SLC8A1: variants seen among roughly 807,000 people sequenced by gnomAD.
SLC8A1 encodes the protein solute carrier family 8 member A1.
Under a neutral mutation model 68.3 loss-of-function variants are expected in SLC8A1, and 18 were observed. That is an observed-to-expected ratio of 0.26 (90% CI 0.18 to 0.39). The LOEUF (loss-of-function observed/expected upper bound fraction) is 0.39. Among genes scored for constraint, SLC8A1 ranks in the 10% least tolerant of loss-of-function variants. The probability of loss-of-function intolerance (pLI) is 1.00; values close to 1 mark genes in which losing one functional copy is unlikely to be tolerated. For synonymous variants in SLC8A1, 475 were observed against 415.5 expected (o/e 1.14, Z -1.74); for missense variants, 985 against 1,156.7 (o/e 0.85, Z 2.15).
intron 2 of SLC8A1, among the ~76,000 whole-genome samples, chr2:40,236,316 A>C (rs2060364140): frequency 6.6e-6 from 1 of 151,970 alleles, no homozygotes; most frequent in African/African-American, 2.4e-5. Context: ...TAGGATAGTT[A>C]GCTCTTCTTG....
At chr2:40,238,506 G>A (rs1349945612) in intron 2 of SLC8A1, among the ~76,000 whole-genome samples, 7 of 152,084 alleles carry the variant, frequency 4.6e-5, no homozygotes, top group Non-Finnish European at 1.5e-5. Context: ...CCACTGTCTG[G>A]CACTCCCTAG....
At chr2:40,397,342 A>G (rs1037479911) in intron 2 of SLC8A1, among the ~76,000 whole-genome samples, 3 of 152,216 alleles carry the variant, frequency 2.0e-5, no homozygotes, top group African/African-American at 7.2e-5. Flanking sequence ...ATTATAGATA[A>G]TAAAATTCAG....
At chr2:40,194,767 AG>A (rs35786155) in intron 2 of SLC8A1, among the ~76,000 whole-genome samples, 37,890 of 151,654 alleles carry the variant, frequency 0.25, 5,068 homozygotes, top group African/African-American at 0.31. Flanking sequence ...TCCTAGGGCC[AG>A]GGCCTAGGAC....
At chr2:40,383,782 C>G (rs971409083) in intron 2 of SLC8A1, among the ~76,000 whole-genome samples, 1 of 152,072 alleles carries the variant, frequency 6.6e-6, no homozygotes, top group Non-Finnish European at 1.5e-5. Flanking sequence ...AAGTCACAGA[C>G]TGTGGTATAT....
Position 40,451,694 on chromosome 2 carries a change from AGCGCGGACACCCAGAAAAATGTGCAG to A in SLC8A1, c.-25+184_-25+209del, listed in dbSNP as rs1702516431. Among the ~76,000 whole-genome samples the A allele has an allele frequency of 2.0e-5, 3 of 150,148 alleles. No homozygotes were observed. The Admixed American group carries it at 2.0e-4, about 10-fold the overall frequency. ...CAGCCCGAGCAATTTCACTCTGGGAAGCGCGGACACCCAGAAAAATGTGCAGGCGCGCACACACCACATCACACACA... is the reference window on the plus strand; with the variant it reads ...CAGCCCGAGCAATTTCACTCTGGGAAGCGCGCACACACCACATCACACACA... On this transcript the variant is annotated intron_variant, in intron 1 of 7. Transcript: ENST00000406785.
intron 5 of SLC8A1, 105 bp downstream of exon 8, chr2:40,164,749 C>A: frequency 7.0e-7 from 1 of 1,420,406 alleles, no homozygotes; most frequent in Non-Finnish European, 9.6e-7. Flanking sequence ...CCTGAAATTA[C>A]ATCTACTACT....
Position 40,160,963 on chromosome 2 carries a change from G to A in SLC8A1, c.2062-99C>T, listed in dbSNP as rs553205888. On this transcript the variant is annotated intron_variant, in intron 5 of 7. Coordinates refer to ENST00000406785, the Ensembl canonical transcript of SLC8A1. The stretch of plus-strand genomic sequence containing the variant: ...TTGAAACTCCAGAGTTATATAAAGG[G>A]TAGCAGATGTTAGGCTCAAAACAAC... The A allele has an allele frequency of 7.3e-5, 58 of 798,554 alleles. No individual in the cohort carries two copies. In the African/African-American group the frequency reaches 9.1e-4, roughly 13 times the overall value. 49.5% of individuals were successfully genotyped at this position (798,554 alleles called of 1,614,324 possible). A position where few individuals can be genotyped will look rare whatever the true frequency, so the allele number is the denominator to read the frequency against.
chr2:40,252,559 C>T (rs1042371627), intron 2 of SLC8A1, among the ~76,000 whole-genome samples: 26 of 152,058 alleles, frequency 1.7e-4, no homozygotes, highest in Non-Finnish European at 1.9e-4. Context: ...GACTCAAACT[C>T]CTGACCTCAA....
intron 2 of SLC8A1, among the ~76,000 whole-genome samples, chr2:40,185,296 T>A (rs1341732562): frequency 3.3e-5 from 5 of 152,224 alleles, no homozygotes; most frequent in Admixed American, 1.3e-4. Flanking sequence ...TGCATGAATT[T>A]TCATCGCAGC....
chr2:40,279,206 G>A (rs2067175537), intron 2 of SLC8A1, among the ~76,000 whole-genome samples: 1 of 152,198 alleles, frequency 6.6e-6, no homozygotes, highest in South Asian at 2.1e-4. Context: ...TCCTGGGACT[G>A]CTATTAATAT....
chr2:40,167,124 A>G (rs2046682000), intron 4 of SLC8A1, among the ~76,000 whole-genome samples: 1 of 152,220 alleles, frequency 6.6e-6, no homozygotes, highest in Non-Finnish European at 1.5e-5. Context: ...ACATGGAATA[A>G]GCAAATGAAG....
At chr2:40,474,498 C>G (rs974438786) in intron 1 of SLC8A1, among the ~76,000 whole-genome samples, 1 of 152,074 alleles carries the variant, frequency 6.6e-6, no homozygotes. Flanking sequence ...GTCAGCTTCC[C>G]CTTTTAATGT....
intron 4 of SLC8A1, chr2:40,170,324 A>G (rs2047250577): frequency 2.5e-6 from 4 of 1,614,176 alleles, no homozygotes; most frequent in Non-Finnish European, 3.4e-6. Context: ...GTTCTCTAGC[A>G]TGAACCTTCC....
chr2:40,319,567 T>C (rs915286590), intron 2 of SLC8A1, among the ~76,000 whole-genome samples: 6 of 152,098 alleles, frequency 3.9e-5, no homozygotes, highest in African/African-American at 1.4e-4. Flanking sequence ...ATTAAGTGAA[T>C]GAAAGAGTAG....
At chr2:40,264,176 C>T (rs1365304315) in intron 2 of SLC8A1, among the ~76,000 whole-genome samples, 6 of 150,586 alleles carry the variant, frequency 4.0e-5, no homozygotes, top group Admixed American at 6.6e-5. Context: ...GTTAGAATGG[C>T]AATCATTAAA....
chr2:40,209,432 G>A (rs2056154885), intron 2 of SLC8A1, among the ~76,000 whole-genome samples: 1 of 152,158 alleles, frequency 6.6e-6, no homozygotes, highest in Non-Finnish European at 1.5e-5. Context: ...TAAGAGTAGA[G>A]TGAGGGGAAG....
At chr2:40,309,789 C>G (rs1456468449) in intron 2 of SLC8A1, among the ~76,000 whole-genome samples, 1 of 152,118 alleles carries the variant, frequency 6.6e-6, no homozygotes, top group Non-Finnish European at 1.5e-5. Flanking sequence ...CAGGCGTGAG[C>G]TATCGTTCCC....
At chr2:40,142,262 C>T (rs941586365) in intron 6 of SLC8A1, among the ~76,000 whole-genome samples, 3 of 152,072 alleles carry the variant, frequency 2.0e-5, no homozygotes, top group Non-Finnish European at 4.4e-5. Context: ...AGATGCAATT[C>T]TCAGGGTTTA....
chr2:40,451,434 C>T (rs529810879), intron 1 of SLC8A1, among the ~76,000 whole-genome samples: 5 of 152,276 alleles, frequency 3.3e-5, no homozygotes, highest in Admixed American at 1.3e-4. Context: ...GGAAATGTGG[C>T]CTTGGGGAAA....
Sources: gnomAD v4.1 joint callset for allele counts (sites outside exome capture counted in the v4.1 genomes callset) on GRCh38, gnomAD v4.1.1 for gene constraint, MANE v1.5 for transcripts, NCBI Gene and HGNC (gene_info 2026-07-23, HGNC 2026-07-21) for gene names.